AKAP9: variants seen among roughly 807,000 people sequenced by gnomAD.
AKAP9 encodes the protein A-kinase anchoring protein 9.
AKAP9 carries 311 observed loss-of-function variants against 488.5 expected under a neutral mutation model. The ratio of observed to expected loss-of-function variants is 0.64; its 90% CI spans 0.58 to 0.70. AKAP9 has a LOEUF of 0.70. Ranked by LOEUF, AKAP9 falls within the 30% of genes least tolerant of loss-of-function variation. AKAP9 has a pLI of 0.00. For missense variants in AKAP9, 4,215 were observed against 4,374.5 expected (o/e 0.96, Z 1.03); for synonymous variants, 1,462 against 1,483.5 (o/e 0.99, Z 0.33).
At chr7:92,010,894 A>G (rs1800657482) in intron 8 of AKAP9, among the ~76,000 whole-genome samples, 1 of 151,866 alleles carries the variant, frequency 6.6e-6, no homozygotes, top group Non-Finnish European at 1.5e-5. Context: ...CTCAAGCAAT[A>G]CTCCTACCTG....
intron 49 of AKAP9, chr7:92,109,134 C>G (rs990999543): frequency 4.4e-6 from 1 of 228,640 alleles, no homozygotes; most frequent in Admixed American, 5.0e-5. Flanking sequence ...CTTAATGTAA[C>G]CATTATCCCT....
At chr7:91,993,194 C>T (rs946162926) in intron 5 of AKAP9, 139 bp downstream of exon 5, 17 of 665,308 alleles carry the variant, frequency 2.6e-5, no homozygotes, top group Non-Finnish European at 2.9e-5. Context: ...TCTTCTTCTT[C>T]TTTTTTTTTT....
chr7:92,044,249 T>C (rs760242773), intron 20 of AKAP9, among the ~76,000 whole-genome samples: 14 of 152,180 alleles, frequency 9.2e-5, no homozygotes, highest in Non-Finnish European at 1.6e-4. Context: ...AAAATAAGGA[T>C]TACTTTTTAA....
intron 16 of AKAP9, among the ~76,000 whole-genome samples, chr7:92,035,039 G>T (rs573060911): frequency 1.3e-5 from 2 of 152,040 alleles, no homozygotes; most frequent in Non-Finnish European, 2.9e-5. Flanking sequence ...TTTCTAAAAG[G>T]AATTTCTTTT....
In AKAP9 at chr7:92,086,241, C is replaced by A; in HGVS notation, c.9038C>A (p.Ser3013Tyr). Residue 3013 changes from serine (S) to tyrosine (Y), a missense_variant, in exon 37 of 50, where the codon TCT (serine) becomes TAT (tyrosine). This residue lies in a region of AKAP9 where 1,476 missense variants were observed against 1,477.4 expected (regional missense o/e 1.00). Transcript: ENST00000356239. ...GTACTTTGCTAGGTTTATGATAGTT[C>A]TCAATCTCATGAGAGCTTCTCAGAC... ...LQREAEVYDS[S>Y]QSHESFSDWR... 1 of 1,613,884 alleles carries A rather than the reference C, an allele frequency of 6.2e-7. No homozygotes were observed. The highest frequency in any genetic ancestry group is 8.5e-7 in the Non-Finnish European group (1 of 1,179,870).
chr7:91,986,503 G>C (rs1013961441), intron 3 of AKAP9, among the ~76,000 whole-genome samples: 2 of 152,156 alleles, frequency 1.3e-5, no homozygotes, highest in Non-Finnish European at 2.9e-5. Flanking sequence ...CTGCAGACCG[G>C]AGCTGTTCCT....
intron 1 of AKAP9, among the ~76,000 whole-genome samples, chr7:91,973,272 C>T (rs1795301334): frequency 1.3e-5 from 2 of 152,076 alleles, no homozygotes; most frequent in African/African-American, 4.8e-5. Flanking sequence ...GTCCCAGCTA[C>T]TTGGGGGCTG....
chr7:92,042,936 T>A, intron 20 of AKAP9, 165 bp downstream of exon 20: 1 of 472,600 alleles, frequency 2.1e-6, no homozygotes, highest in Non-Finnish European at 3.8e-6. Flanking sequence ...TGTAAAGGAT[T>A]TTCAGTTTTT....
chr7:92,070,883 G>A, intron 27 of AKAP9, 22 bp from the exon 28 acceptor site: 1 of 1,524,954 alleles, frequency 6.6e-7, no homozygotes, highest in Admixed American at 1.9e-5. Context: ...CAAATTTTGA[G>A]AAAATTTTTA....
intron 11 of AKAP9, 47 bp downstream of exon 11, chr7:92,016,314 A>G: frequency 7.6e-7 from 1 of 1,316,970 alleles, no homozygotes; most frequent in Non-Finnish European, 1.0e-6. Flanking sequence ...ATCCTCTTAA[A>G]TTAATTGATG....
intron 2 of AKAP9, among the ~76,000 whole-genome samples, chr7:91,974,931 A>G (rs1034612855): frequency 6.7e-6 from 1 of 150,016 alleles, no homozygotes; most frequent in Non-Finnish European, 1.5e-5. Context: ...GCTCACTGCA[A>G]CCTCTGTCAC....
chr7:92,020,709 TA>T (rs1384624061), intron 12 of AKAP9, among the ~76,000 whole-genome samples: 1 of 152,186 alleles, frequency 6.6e-6, no homozygotes, highest in Non-Finnish European at 1.5e-5. Flanking sequence ...TAGCATACAG[TA>T]AAGGCTTAAT....
rs56800758 is a variant in AKAP9, at chr7:91,963,482, TCACACACACACACACA to T, written c.49-10198_49-10183del. ...TGTTATTCTGTAGATAACATATTTG[TCACACACACACACACA>T]CACACACACACACACACACACACAC... On this transcript the variant is annotated intron_variant, in intron 1 of 49. Transcript: ENST00000356239. Among the ~76,000 whole-genome samples, 476 of 139,312 alleles carry T rather than the reference TCACACACACACACACA, an allele frequency of 3.4e-3. 1 individual carries two copies. The highest frequency in any genetic ancestry group is 0.012 in the African/African-American group (449 of 38,354). 91.4% of individuals were successfully genotyped at this position (139,312 alleles called of 152,430 possible).
chr7:91,993,179 CT>C (rs1255325939), intron 5 of AKAP9, 124 bp downstream of exon 5: 1 of 920,904 alleles, frequency 1.1e-6, no homozygotes, highest in Non-Finnish European at 1.6e-6. Context: ...CTTTTCTTTT[CT>C]TCTTCTTCTT....
intron 24 of AKAP9, among the ~76,000 whole-genome samples, chr7:92,062,772 G>A (rs546381329): frequency 6.6e-6 from 1 of 152,116 alleles, no homozygotes; most frequent in East Asian, 1.9e-4. Context: ...AATGAGGCAG[G>A]ATATTTTAAA....
At position 92,107,911 on chromosome 7, in the gene AKAP9, C is replaced by T. The variant is rs185070356; in HGVS notation, c.11546+489C>T. On this transcript the variant is annotated intron_variant, in intron 48 of 49. Transcript: ENST00000356239. ...GTGGGTGCCTGTAATCCCAGCTACTCAGGAGGCTGAGGCAGGAGAATCGCT... is the reference window on the plus strand; with the variant it reads ...GTGGGTGCCTGTAATCCCAGCTACTTAGGAGGCTGAGGCAGGAGAATCGCT... 563 of 171,334 alleles carry T rather than the reference C, an allele frequency of 3.3e-3. 5 individuals are homozygous for T. Among genetic ancestry groups the T allele is most frequent in the African/African-American group, 0.013 (530 of 40,906 alleles). 10.6% of individuals were successfully genotyped at this position (171,334 alleles called of 1,614,324 possible). A position where few individuals can be genotyped will look rare whatever the true frequency, so the allele number is the denominator to read the frequency against.
At chr7:92,087,249 G>A (rs75598174) in intron 37 of AKAP9, among the ~76,000 whole-genome samples, 1,612 of 152,278 alleles carry the variant, frequency 0.011, 26 homozygotes, top group African/African-American at 0.037. Flanking sequence ...TCCCTTTAAC[G>A]AAGAAGACGA....
At chr7:92,032,423 G>A (rs139540832) in intron 16 of AKAP9, among the ~76,000 whole-genome samples, 2,163 of 151,492 alleles carry the variant, frequency 0.014, 45 homozygotes, top group African/African-American at 0.05. Context: ...TTGAACCCGG[G>A]AGGCAGAGGT....
In AKAP9 at chr7:92,087,981, A is replaced by G. The variant is rs373234369; in HGVS notation, c.9214-1404A>G. 5.9e-5 allele frequency among the ~76,000 whole-genome samples: 9 copies of G among 152,038 alleles called. No individual in the cohort carries two copies. In the East Asian group the frequency reaches 1.2e-3, roughly 20 times the overall value. On this transcript the variant is annotated intron_variant, in intron 37 of 49. Coordinates refer to ENST00000356239, the MANE Select transcript of AKAP9 (RefSeq NM_005751.5). ...ATTAGGAAATCACCCTTTATTAAAC[A>G]CTGTAGTGTTAAATCACCCTTTATT...
Sources: gnomAD v4.1 joint callset for allele counts (sites outside exome capture counted in the v4.1 genomes callset) on GRCh38, gnomAD v4.1.1 for gene constraint, gnomAD v4.1.1 regional missense constraint, MANE v1.5 for transcripts, NCBI Gene and HGNC (gene_info 2026-07-23, HGNC 2026-07-21) for gene names.